NEK11: variants seen among roughly 807,000 people sequenced by gnomAD.
NEK11 encodes the protein serine/threonine-protein kinase Nek11.
Under a neutral mutation model 80.7 loss-of-function variants are expected in NEK11, and 72 were observed. The ratio of observed to expected loss-of-function variants is 0.89; its 90% confidence interval spans 0.74 to 1.08. The LOEUF (loss-of-function observed/expected upper bound fraction) is 1.08. NEK11 is among the 50% of genes least tolerant of loss of function. The pLI is 0.00. For missense variants in NEK11, 764 were observed against 763.6 expected, an observed-to-expected ratio of 1.00 and a Z score of -0.01; for synonymous variants, 251 against 260.7, an observed-to-expected ratio of 0.96 and a Z score of 0.36.
chr3:131,246,107 T>A (rs935977900), intron 16 of NEK11, among the ~76,000 whole-genome samples: 46 of 152,064 alleles, frequency 3.0e-4, no homozygotes, highest in Admixed American at 2.1e-3. Context: ...AACAAAAAAA[T>A]TTTTTTTATT....
chr3:131,329,362 ATTCC>A (rs1218242992), intron 17 of NEK11: 21 of 152,188 alleles, frequency 1.4e-4, no homozygotes, highest in Admixed American at 1.1e-3. Flanking sequence ...ACATCACCAT[ATTCC>A]TTCCTATTTG....
intron 7 of NEK11, among the ~76,000 whole-genome samples, chr3:131,143,689 TA>T: frequency 6.6e-6 from 1 of 152,146 alleles, no homozygotes; most frequent in East Asian, 1.9e-4. Context: ...TGAGATAAGG[TA>T]GGTCATTCAT....
chr3:131,117,996 A>G (rs1038069107), intron 5 of NEK11, among the ~76,000 whole-genome samples: 4 of 152,100 alleles, frequency 2.6e-5, no homozygotes, highest in Non-Finnish European at 5.9e-5. Context: ...CCTGACCAGA[A>G]CTTCCAACAC....
At chr3:131,320,987 T>G (rs756124567) in intron 17 of NEK11, among the ~76,000 whole-genome samples, 4 of 152,100 alleles carry the variant, frequency 2.6e-5, no homozygotes, top group Admixed American at 2.0e-4. Flanking sequence ...TTTCACAAAA[T>G]TAGGAAAAAA....
rs558450459 is a variant in NEK11 at position 131,087,490 on chromosome 3, C to T, written c.336+6902C>T. ...ATCTCCTGACCTTGTGATCCGCCCA[C>T]GTCAGCCTCCCAAAGTGCTGGGATG... is the stretch of plus-strand genomic sequence containing the variant. On this transcript the variant is annotated intron_variant, in intron 4 of 17. Transcript: ENST00000383366. Among the ~76,000 whole-genome samples the T allele has an allele frequency of 8.5e-5, 13 of 152,218 alleles. No homozygotes were observed. In the South Asian group the frequency reaches 1.2e-3, roughly 15 times the overall value.
At chr3:131,257,181 A>G (rs1467802872) in intron 16 of NEK11, among the ~76,000 whole-genome samples, 2 of 148,262 alleles carry the variant, frequency 1.3e-5, no homozygotes, top group Non-Finnish European at 3.0e-5. Flanking sequence ...TTTTTTGTAG[A>G]GATGGGGTTT....
At chr3:131,074,791 C>G (rs570524936) in intron 3 of NEK11, among the ~76,000 whole-genome samples, 5 of 152,120 alleles carry the variant, frequency 3.3e-5, no homozygotes, top group Admixed American at 6.6e-5. Flanking sequence ...TCTTCCTGCT[C>G]AAAGAAAGGT....
At chr3:131,107,381 A>G (rs943116084) in intron 4 of NEK11, among the ~76,000 whole-genome samples, 3 of 151,636 alleles carry the variant, frequency 2.0e-5, no homozygotes, top group African/African-American at 7.2e-5. Context: ...TAAAAAAAAA[A>G]GAAGCTAGCA....
At chr3:131,032,356 C>T (rs1288337043) in intron 3 of NEK11, among the ~76,000 whole-genome samples, 1 of 152,224 alleles carries the variant, frequency 6.6e-6, no homozygotes, top group Non-Finnish European at 1.5e-5. Flanking sequence ...AACATCAGTT[C>T]CTGTGTAGCC....
chr3:131,245,888 G>GC (rs2095595244), intron 16 of NEK11, among the ~76,000 whole-genome samples: 1 of 151,854 alleles, frequency 6.6e-6, no homozygotes, highest in Non-Finnish European at 1.5e-5. Flanking sequence ...ATTAGTCCCT[G>GC]CCAGATTGAT....
chr3:131,195,734 T>C (rs1386578846), intron 14 of NEK11, among the ~76,000 whole-genome samples: 3 of 150,590 alleles, frequency 2.0e-5, no homozygotes, highest in Non-Finnish European at 4.4e-5. Flanking sequence ...ATAGCACCTT[T>C]GTCAGTTGTG....
Position 131,272,945 on chromosome 3 carries a change from A to G in NEK11, c.1622-533A>G, listed in dbSNP as rs142617085. 5.9e-5 allele frequency among the ~76,000 whole-genome samples: 9 copies of G among 152,306 alleles called. No homozygotes were observed. In the East Asian group the frequency reaches 1.7e-3, roughly 29 times the overall value. ...TTCATTACCAACTCTTACCCTCTGA[A>G]CACAACTTTGGCCTTCTGCTCCATT... On this transcript the variant is annotated intron_variant, in intron 16 of 17. Coordinates refer to ENST00000383366, the MANE Select transcript of NEK11 (RefSeq NM_024800.5).
chr3:131,135,179 C>A (rs1182726510), intron 7 of NEK11, among the ~76,000 whole-genome samples: 1 of 152,112 alleles, frequency 6.6e-6, no homozygotes, highest in Non-Finnish European at 1.5e-5. Flanking sequence ...TCGTGCCTAC[C>A]AAATGGGAGA....
chr3:131,032,842 A>C (rs1165499697), intron 3 of NEK11, among the ~76,000 whole-genome samples: 2 of 152,224 alleles, frequency 1.3e-5, no homozygotes, highest in Non-Finnish European at 2.9e-5. Flanking sequence ...GATTCACCTT[A>C]ATTATAAACA....
At chr3:131,064,002 A>G (rs2071404301) in intron 3 of NEK11, among the ~76,000 whole-genome samples, 3 of 152,232 alleles carry the variant, frequency 2.0e-5, no homozygotes, top group African/African-American at 7.2e-5. Flanking sequence ...AGCCATGAGA[A>G]GCCATGAAAT....
intron 17 of NEK11, among the ~76,000 whole-genome samples, chr3:131,287,044 A>G (rs6775803): frequency 0.11 from 16,613 of 152,202 alleles, 1,486 homozygotes; most frequent in African/African-American, 0.24. Context: ...GAGCCCTAGT[A>G]TTGCCCACTC....
chr3:131,212,719 A>T (rs189790412), intron 14 of NEK11, among the ~76,000 whole-genome samples: 5 of 152,332 alleles, frequency 3.3e-5, no homozygotes, highest in Admixed American at 2.0e-4. Context: ...TGCAGCCTGC[A>T]TGGAAGATCT....
At chr3:131,341,100 G>T (rs1209045940) in intron 17 of NEK11, among the ~76,000 whole-genome samples, 1 of 152,130 alleles carries the variant, frequency 6.6e-6, no homozygotes, top group Non-Finnish European at 1.5e-5. Context: ...ATAACAGCAA[G>T]AGAGTCCTCT....
chr3:131,124,913 T>C (rs1230714199), intron 5 of NEK11, among the ~76,000 whole-genome samples: 2 of 152,212 alleles, frequency 1.3e-5, no homozygotes, highest in Non-Finnish European at 2.9e-5. Context: ...ATTTGGCCTT[T>C]CTAGGCCTTG....
Sources: allele counts gnomAD v4.1 joint callset (sites outside exome capture counted in the v4.1 genomes callset), GRCh38; gene constraint gnomAD v4.1.1; transcripts MANE v1.5; gene names NCBI Gene and HGNC (gene_info 2026-07-23, HGNC 2026-07-21).